RELN: variants seen among roughly 807,000 people sequenced by gnomAD.
RELN encodes the protein reelin.
In RELN, 108 loss-of-function variants were observed where a neutral mutation model predicts 427.6. The ratio of observed to expected loss-of-function variants is 0.25; its 90% CI spans 0.22 to 0.30. The LOEUF (loss-of-function observed/expected upper bound fraction) is 0.30, where lower values mean the gene tolerates loss of function less well. RELN is among the 10% of genes least tolerant of loss of function. The probability of loss-of-function intolerance (pLI) is 1.00; values close to 1 mark genes in which losing one functional copy is unlikely to be tolerated. For synonymous variants in RELN, 1,524 were observed against 1,513.4 expected (o/e 1.01, Z -0.16); for missense variants, 3,715 against 4,302.8 (o/e 0.86, Z 3.82).
chr7:103,668,211 C>T (rs889257866), intron 11 of RELN, among the ~76,000 whole-genome samples: 2 of 152,092 alleles, frequency 1.3e-5, no homozygotes, highest in African/African-American at 4.8e-5. Flanking sequence ...GCCTGGGTGA[C>T]AGAGGGAGAC....
At position 103,620,721 on chromosome 7, in the gene RELN, G is replaced by T. The variant is rs551442602; in HGVS notation, c.2703-8918C>A. 1.3e-5 allele frequency among the ~76,000 whole-genome samples: 2 copies of T among 152,040 alleles called. No individual in the cohort carries two copies. Among genetic ancestry groups the T allele is most frequent in the Non-Finnish European group, 2.9e-5 (2 of 67,994 alleles). ...ACTCCTGACCTCAAGTGATCTGCCCGCCTCAGCCTCCCAAAGTGCTGGGAT... is the reference window on the plus strand; with the variant it reads ...ACTCCTGACCTCAAGTGATCTGCCCTCCTCAGCCTCCCAAAGTGCTGGGAT... On this transcript the variant is annotated intron_variant, in intron 20 of 64. Transcript: ENST00000428762. This position sits in a 1 kb window ranked among gnomAD's most constrained non-coding sequence, Gnocchi z 4.1.
chr7:103,921,811 G>T (rs58751603), intron 1 of RELN, among the ~76,000 whole-genome samples: 18,796 of 152,048 alleles, frequency 0.12, 2,391 homozygotes, highest in African/African-American at 0.32. Context: ...ACCAGAACAC[G>T]TTCTATACTT....
At chr7:103,794,358 A>G (rs1792245441) in intron 3 of RELN, among the ~76,000 whole-genome samples, 3 of 152,030 alleles carry the variant, frequency 2.0e-5, no homozygotes, top group Admixed American at 2.0e-4. Flanking sequence ...CTAAGTAACA[A>G]CTTCCATTCC....
intron 2 of RELN, among the ~76,000 whole-genome samples, chr7:103,893,709 C>T (rs1283169599): frequency 1.3e-5 from 2 of 152,106 alleles, no homozygotes; most frequent in Admixed American, 6.6e-5. Context: ...TTTTCCTTTG[C>T]AACCAAAGAC....
At chr7:103,611,536 ATTTTT>A in intron 21 of RELN, 70 bp downstream of exon 21, 1 of 945,674 alleles carries the variant, frequency 1.1e-6, no homozygotes, top group Non-Finnish European at 1.6e-6. Context: ...TAGAACTGTA[ATTTTT>A]TTTTTTTTTG....
At chr7:103,654,031 G>C in intron 13 of RELN, 62 bp downstream of exon 13, 2 of 932,228 alleles carry the variant, frequency 2.1e-6, no homozygotes, top group Non-Finnish European at 3.6e-6. Context: ...TTGTGGTTTT[G>C]ACTTGGGCTT....
intron 33 of RELN, among the ~76,000 whole-genome samples, chr7:103,565,785 T>G (rs1041101279): frequency 2.0e-5 from 3 of 152,218 alleles, no homozygotes; most frequent in African/African-American, 4.8e-5. Flanking sequence ...AGGGCTAACA[T>G]ATTATCTTTA....
Position 103,816,261 on chromosome 7 carries a change from C to A in RELN, c.473+17276G>T, listed in dbSNP as rs140392759. 6.7e-3 allele frequency among the ~76,000 whole-genome samples: 1,014 copies of A among 152,220 alleles called. 5 individuals carry two copies. Among genetic ancestry groups the A allele is most frequent in the Middle Eastern group, 0.014 (4 of 294 alleles). ...GGGCATGCTGGCACACACCTGTAAT[C>A]CCAGCTACTCAGGAGGCTGGAGCAG... On this transcript the variant is annotated intron_variant, in intron 3 of 64. Coordinates refer to ENST00000428762, the MANE Select transcript of RELN (RefSeq NM_005045.4).
chr7:103,907,131 G>A (rs1051186845), intron 2 of RELN, among the ~76,000 whole-genome samples: 1 of 151,860 alleles, frequency 6.6e-6, no homozygotes, highest in African/African-American at 2.4e-5. Flanking sequence ...AAAAAAGCCA[G>A]GCACAGCCAG....
intron 28 of RELN, among the ~76,000 whole-genome samples, chr7:103,586,739 A>G (rs955327657): frequency 2.0e-5 from 3 of 152,234 alleles, no homozygotes; most frequent in Non-Finnish European, 4.4e-5. Flanking sequence ...ATACACCAGT[A>G]ACATTGAAGC....
chr7:103,607,798 C>G (rs921658203), intron 22 of RELN, among the ~76,000 whole-genome samples: 1 of 152,142 alleles, frequency 6.6e-6, no homozygotes, highest in African/African-American at 2.4e-5. Flanking sequence ...CCCAATTATT[C>G]TGAAACTCAT....
At chr7:103,714,710 A>C (rs559739300) in intron 8 of RELN, among the ~76,000 whole-genome samples, 43 of 152,336 alleles carry the variant, frequency 2.8e-4, no homozygotes, top group African/African-American at 9.9e-4. Flanking sequence ...GAAGCAGAGC[A>C]GGAAAAAATG....
chr7:103,473,143 C>G, intron 64 of RELN: 1 of 625,714 alleles, frequency 1.6e-6, no homozygotes. Context: ...TGAGTGAGCT[C>G]TGAACCAGAA....
chr7:103,646,527 T>C (rs1160363694), intron 16 of RELN, among the ~76,000 whole-genome samples: 3 of 151,608 alleles, frequency 2.0e-5, no homozygotes, highest in Non-Finnish European at 4.4e-5. Context: ...CTAGAGAAAA[T>C]GGATGCATTC....
chr7:103,727,117 T>C (rs1790231251), intron 7 of RELN, among the ~76,000 whole-genome samples: 1 of 152,158 alleles, frequency 6.6e-6, no homozygotes. Context: ...CTAAATCTTC[T>C]TTTAATTGCC....
At chr7:103,674,838 C>G (rs955148601) in intron 11 of RELN, among the ~76,000 whole-genome samples, 3 of 152,102 alleles carry the variant, frequency 2.0e-5, no homozygotes, top group Non-Finnish European at 4.4e-5. Context: ...ATTCAACAGC[C>G]CTTCATACTA....
intron 11 of RELN, among the ~76,000 whole-genome samples, chr7:103,664,579 G>A (rs1038956280): frequency 2.0e-5 from 3 of 152,060 alleles, no homozygotes; most frequent in African/African-American, 7.2e-5. Context: ...CAAAATTGTT[G>A]GATAAATTTA....
At chr7:103,602,381 C>T (rs764335838) in intron 24 of RELN, among the ~76,000 whole-genome samples, 31 of 152,144 alleles carry the variant, frequency 2.0e-4, no homozygotes, top group Non-Finnish European at 3.7e-4. Flanking sequence ...CACATGCACA[C>T]GTATGTTTAC....
intron 3 of RELN, among the ~76,000 whole-genome samples, chr7:103,828,897 C>T (rs540276152): frequency 1.6e-4 from 24 of 151,994 alleles, no homozygotes; most frequent in African/African-American, 4.3e-4. Context: ...ATTTAATTTT[C>T]GTTGTATGAC....
Sources: gnomAD v4.1 joint callset for allele counts (sites outside exome capture counted in the v4.1 genomes callset) on GRCh38, gnomAD v4.1.1 for gene constraint, Gnocchi (gnomAD v3.1) non-coding constraint, MANE v1.5 for transcripts, NCBI Gene and HGNC (gene_info 2026-07-23, HGNC 2026-07-21) for gene names.